The following ACTR3B variants were observed in gnomAD, a reference collection of about 807,000 sequenced individuals.
ACTR3B encodes the protein actin-related protein 3B.
In ACTR3B, 8 loss-of-function variants were observed where a neutral mutation model predicts 59.0. That is an observed-to-expected ratio of 0.14 (90% CI 0.08 to 0.24). The LOEUF is 0.24. ACTR3B is among the 10% of genes least tolerant of loss of function. The probability of loss-of-function intolerance (pLI) is 1.00; values close to 1 mark genes in which losing one functional copy is unlikely to be tolerated. For missense variants in ACTR3B, 245 were observed against 552.3 expected, an observed-to-expected ratio of 0.44 and a Z score of 5.58; for synonymous variants, 148 against 197.9, an observed-to-expected ratio of 0.75 and a Z score of 2.12.
chr7:152,798,620 A>T (rs915864587), intron 2 of ACTR3B, among the ~76,000 whole-genome samples: 1 of 152,136 alleles, frequency 6.6e-6, no homozygotes, highest in Non-Finnish European at 1.5e-5. Flanking sequence ...GTCATAAAGC[A>T]TTTTACCGTT....
At chr7:152,830,872 G>A (rs1796972641) in intron 9 of ACTR3B, among the ~76,000 whole-genome samples, 1 of 152,142 alleles carries the variant, frequency 6.6e-6, no homozygotes, top group South Asian at 2.1e-4. Context: ...TAATGTTTAA[G>A]AGTATGTTTA....
At chr7:152,769,738 C>CT (rs1352184669) in intron 1 of ACTR3B, among the ~76,000 whole-genome samples, 1 of 151,582 alleles carries the variant, frequency 6.6e-6, no homozygotes, top group Admixed American at 6.6e-5. Context: ...GTATTTTTGT[C>CT]TAATTGTTAT....
At chr7:152,817,591 G>A (rs1795806289) in intron 6 of ACTR3B, among the ~76,000 whole-genome samples, 1 of 151,860 alleles carries the variant, frequency 6.6e-6, no homozygotes, top group South Asian at 2.1e-4. Context: ...GTCTGAAGAG[G>A]GTATTCAGAG....
chr7:152,789,183 A>C (rs1341778583), intron 2 of ACTR3B, among the ~76,000 whole-genome samples: 2 of 151,680 alleles, frequency 1.3e-5, no homozygotes, highest in Non-Finnish European at 2.9e-5. Flanking sequence ...TGAGCCCAGG[A>C]GTTTGAGACC....
At chr7:152,771,435 A>G (rs1388828475) in intron 1 of ACTR3B, among the ~76,000 whole-genome samples, 1 of 152,220 alleles carries the variant, frequency 6.6e-6, no homozygotes, top group Non-Finnish European at 1.5e-5. Flanking sequence ...AATTAAAAGC[A>G]TGTTGGAGGT....
chr7:152,807,348 ACTC>A (rs1272714351), intron 4 of ACTR3B, among the ~76,000 whole-genome samples: 2 of 151,392 alleles, frequency 1.3e-5, no homozygotes, highest in Admixed American at 6.6e-5. Flanking sequence ...CCAATATTAT[ACTC>A]CTCATTTCCT....
intron 1 of ACTR3B, among the ~76,000 whole-genome samples, chr7:152,762,342 CTT>C (rs2098092134): frequency 6.6e-6 from 1 of 152,186 alleles, no homozygotes; most frequent in Non-Finnish European, 1.5e-5. Context: ...CAAATGAAGT[CTT>C]TTGCATTTTT....
intron 6 of ACTR3B, among the ~76,000 whole-genome samples, chr7:152,818,867 A>C (rs1795926834): frequency 1.3e-5 from 2 of 152,248 alleles, no homozygotes; most frequent in African/African-American, 4.8e-5. Flanking sequence ...TCCTAAGGTT[A>C]TATTTTGCGT....
intron 10 of ACTR3B, 106 bp downstream of exon 10, chr7:152,852,357 A>C: frequency 7.2e-7 from 1 of 1,381,162 alleles, no homozygotes; most frequent in Non-Finnish European, 9.6e-7. Flanking sequence ...GCGTAAAATA[A>C]AAACAAGTGT....
chr7:152,847,482 T>TG (rs1336071306), intron 9 of ACTR3B, among the ~76,000 whole-genome samples: 1 of 152,226 alleles, frequency 6.6e-6, no homozygotes, highest in Admixed American at 6.5e-5. Flanking sequence ...ATCAGGCAGC[T>TG]GGGCTTCAGC....
At chr7:152,852,513 T>A (rs1480493404) in intron 10 of ACTR3B, among the ~76,000 whole-genome samples, 4 of 152,140 alleles carry the variant, frequency 2.6e-5, no homozygotes. Flanking sequence ...AGCAGTTTCC[T>A]TTTGTGTCGT....
chr7:152,830,460 T>C (rs1796935458), intron 9 of ACTR3B, among the ~76,000 whole-genome samples: 1 of 152,230 alleles, frequency 6.6e-6, no homozygotes, highest in African/African-American at 2.4e-5. Context: ...CTGTAACAAA[T>C]TGCTTGAATT....
At chr7:152,768,626 G>A (rs1306670489) in intron 1 of ACTR3B, among the ~76,000 whole-genome samples, 4 of 151,642 alleles carry the variant, frequency 2.6e-5, no homozygotes, top group East Asian at 2.0e-4. Flanking sequence ...ACAGGCGCCC[G>A]CCATCACGCC....
intron 1 of ACTR3B, among the ~76,000 whole-genome samples, chr7:152,777,646 C>T (rs145354481): frequency 0.012 from 1,851 of 152,294 alleles, 16 homozygotes; most frequent in Non-Finnish European, 0.021. Flanking sequence ...TCAAGGTATA[C>T]AGTTATCATC....
chr7:152,764,258 C>T (rs552307432), intron 1 of ACTR3B, among the ~76,000 whole-genome samples: 1 of 152,230 alleles, frequency 6.6e-6, no homozygotes, highest in East Asian at 1.9e-4. Context: ...CTGCCCACCT[C>T]TGCCTCCCAA....
chr7:152,816,423 G>A lies in ACTR3B; in HGVS notation c.433-58G>A. 15 of 1,465,922 alleles carry A rather than the reference G, an allele frequency of 1.0e-5. No individual in the cohort carries two copies. In the South Asian group the frequency reaches 2.0e-4, roughly 19 times the overall value. The allele number at this position is 1,465,922 out of a possible 1,614,324, so 90.8% of individuals were successfully genotyped here. ...TTGTTGATTGGACCTGGAAGGAGCAGGCAGGTGGCTTTAGAAAGAGTTCCT... is the reference window on the plus strand; with the variant it reads ...TTGTTGATTGGACCTGGAAGGAGCAAGCAGGTGGCTTTAGAAAGAGTTCCT... On this transcript the variant is annotated intron_variant, in intron 5 of 11. Transcript: ENST00000256001.
At chr7:152,808,793 A>G (rs2098260349) in intron 4 of ACTR3B, among the ~76,000 whole-genome samples, 1 of 152,226 alleles carries the variant, frequency 6.6e-6, no homozygotes, top group African/African-American at 2.4e-5. Flanking sequence ...AATATTGGCT[A>G]TTATGGCTGT....
At chr7:152,810,640 C>T (rs1017941727) in intron 4 of ACTR3B, 6 of 151,822 alleles carry the variant, frequency 4.0e-5, no homozygotes, top group Admixed American at 2.0e-4. Flanking sequence ...TGGTGGCTCA[C>T]GCCTTGTAAT....
rs1486207117 is a variant in ACTR3B, at chr7:152,760,185, C to G, written c.44+259C>G. Among the ~76,000 whole-genome samples, 4 of 152,274 alleles carry G rather than the reference C, an allele frequency of 2.6e-5. No individual in the cohort carries two copies. In the East Asian group the frequency reaches 7.7e-4, roughly 29 times the overall value. ...CGGTGCCCACTCTGAGCGAGCCCGG[C>G]GCTCCTCGCCTCCCCCGCCCACGTG... is the stretch of plus-strand genomic sequence containing the variant. On this transcript the variant is annotated intron_variant, in intron 1 of 11. Coordinates refer to ENST00000256001, the MANE Select transcript of ACTR3B (RefSeq NM_020445.6).
Sources: gnomAD v4.1 joint callset for allele counts (sites outside exome capture counted in the v4.1 genomes callset) on GRCh38, gnomAD v4.1.1 for gene constraint, MANE v1.5 for transcripts, NCBI Gene and HGNC (gene_info 2026-07-23, HGNC 2026-07-21) for gene names.